The following FTO variants were observed in gnomAD, a reference collection of about 807,000 sequenced individuals.
The protein encoded by FTO is FTO alpha-ketoglutarate dependent dioxygenase.
In FTO, 47 loss-of-function variants were observed where a neutral mutation model predicts 63.9. The observed-to-expected ratio is 0.74, with a 90% CI of 0.58 to 0.94. FTO has a LOEUF of 0.94. Ranked by LOEUF, FTO falls within the 40% of genes least tolerant of loss-of-function variation. The pLI, the probability that FTO is intolerant of heterozygous loss-of-function variation, is 0.00. For synonymous variants in FTO, 207 were observed against 224.4 expected (o/e 0.92, Z 0.69); for missense variants, 562 against 618.1 (o/e 0.91, Z 0.96).
chr16:53,842,694 G>T (rs1307582311), intron 3 of FTO, among the ~76,000 whole-genome samples: 1 of 152,010 alleles, frequency 6.6e-6, no homozygotes, highest in African/African-American at 2.4e-5. Flanking sequence ...TTTATTTTGA[G>T]GCAGGGCCTC....
chr16:53,983,717 G>C (rs1316060115), intron 8 of FTO, among the ~76,000 whole-genome samples: 2 of 152,056 alleles, frequency 1.3e-5, no homozygotes, highest in Non-Finnish European at 2.9e-5. Flanking sequence ...GAGTTGTGGG[G>C]ACAAGAAAGA....
At chr16:53,876,985 C>T (rs551054683) in intron 5 of FTO, among the ~76,000 whole-genome samples, 1 of 152,170 alleles carries the variant, frequency 6.6e-6, no homozygotes, top group Non-Finnish European at 1.5e-5. Flanking sequence ...AAATGCTGAA[C>T]GTCATTAGTC....
intron 7 of FTO, among the ~76,000 whole-genome samples, chr16:53,926,831 C>G (rs2082151447): frequency 6.7e-6 from 1 of 150,372 alleles, no homozygotes; most frequent in African/African-American, 2.4e-5. Flanking sequence ...TTTTTTTTTC[C>G]CCAGGCTAAG....
At chr16:53,783,723 G>T (rs558573586) in intron 1 of FTO, among the ~76,000 whole-genome samples, 35 of 152,132 alleles carry the variant, frequency 2.3e-4, no homozygotes, top group African/African-American at 7.9e-4. Context: ...GAAAGGTGGA[G>T]GTTGCAGTGA....
At chr16:53,943,348 G>A (rs1379545695) in intron 8 of FTO, among the ~76,000 whole-genome samples, 3 of 152,184 alleles carry the variant, frequency 2.0e-5, no homozygotes, top group African/African-American at 4.8e-5. Flanking sequence ...TGACTTCTGT[G>A]CATCTTATTT....
At chr16:53,716,461 T>C (rs1598477312) in intron 1 of FTO, among the ~76,000 whole-genome samples, 1 of 152,170 alleles carries the variant, frequency 6.6e-6, no homozygotes, top group African/African-American at 2.4e-5. Context: ...GGCTGAGTGA[T>C]CTTGGGCAAG....
intron 8 of FTO, among the ~76,000 whole-genome samples, chr16:54,038,580 G>A (rs1238080540): frequency 6.6e-6 from 1 of 152,208 alleles, no homozygotes; most frequent in Non-Finnish European, 1.5e-5. Flanking sequence ...GGGAGGCCTA[G>A]TGGAGGCTGT....
At chr16:53,766,960 A>G (rs546423924) in intron 1 of FTO, among the ~76,000 whole-genome samples, 1 of 152,328 alleles carries the variant, frequency 6.6e-6, no homozygotes, top group South Asian at 2.1e-4. Context: ...TGTAAGGAAC[A>G]AGATAATCTC....
intron 3 of FTO, among the ~76,000 whole-genome samples, chr16:53,838,468 A>G (rs1285167489): frequency 6.6e-6 from 1 of 151,630 alleles, no homozygotes; most frequent in Non-Finnish European, 1.5e-5. Flanking sequence ...GTGCCACCAC[A>G]CCCGGCTAAT....
At chr16:53,834,016 G>A (rs1160078788) in intron 3 of FTO, among the ~76,000 whole-genome samples, 1 of 151,922 alleles carries the variant, frequency 6.6e-6, no homozygotes, top group Non-Finnish European at 1.5e-5. Flanking sequence ...TTCAAGGATA[G>A]CTGAACTTTT....
At chr16:53,742,279 AG>A (rs1038293695) in intron 1 of FTO, among the ~76,000 whole-genome samples, 21 of 152,178 alleles carry the variant, frequency 1.4e-4, no homozygotes, top group African/African-American at 5.1e-4. Flanking sequence ...TTGGCCTGGC[AG>A]GAAGGGTCAA....
intron 7 of FTO, among the ~76,000 whole-genome samples, chr16:53,924,286 A>T (rs1327155551): frequency 6.6e-6 from 1 of 152,176 alleles, no homozygotes; most frequent in East Asian, 1.9e-4. Context: ...GAGGAAACTG[A>T]TCAAAGAAAC....
intron 1 of FTO, among the ~76,000 whole-genome samples, chr16:53,808,448 C>T (rs1051285114): frequency 3.9e-4 from 59 of 152,098 alleles, no homozygotes; most frequent in African/African-American, 1.4e-3. Flanking sequence ...TAGAATTATG[C>T]CTAAGAGTAG....
At position 53,844,317 on chromosome 16, in the gene FTO, A is replaced by G; in HGVS notation, c.895+19A>G. 1 of 1,593,642 alleles carries G rather than the reference A, an allele frequency of 6.3e-7. No homozygotes were observed. The highest frequency in any genetic ancestry group is 8.6e-7 in the Non-Finnish European group (1 of 1,161,684). ...ATGCTTGGTAATCTTTGGAAAATCAAAATTATATTGAAACTCTAGTGTCTA... is the reference window on the plus strand; with the variant it reads ...ATGCTTGGTAATCTTTGGAAAATCAGAATTATATTGAAACTCTAGTGTCTA... On this transcript the variant is annotated intron_variant, in intron 4 of 8. Transcript: ENST00000471389.
intron 5 of FTO, 126 bp downstream of exon 5, chr16:53,873,991 C>A (rs533349849): frequency 4.2e-6 from 3 of 720,550 alleles, no homozygotes; most frequent in Non-Finnish European, 2.5e-6. Context: ...ACTTGACTTT[C>A]GTCTCTGTTT....
chr16:53,836,103 C>T (rs1318288234), intron 3 of FTO, among the ~76,000 whole-genome samples: 3 of 152,128 alleles, frequency 2.0e-5, no homozygotes, highest in African/African-American at 7.2e-5. Context: ...ATTGGCCAGG[C>T]TGGTCTCGAA....
At chr16:53,881,390 A>T (rs2151893580) in intron 6 of FTO, among the ~76,000 whole-genome samples, 1 of 152,254 alleles carries the variant, frequency 6.6e-6, no homozygotes, top group African/African-American at 2.4e-5. Flanking sequence ...CTATATGCAC[A>T]CCTGCCCTTT....
intron 8 of FTO, among the ~76,000 whole-genome samples, chr16:53,986,379 T>C (rs1805817386): frequency 6.6e-6 from 1 of 152,146 alleles, no homozygotes; most frequent in Non-Finnish European, 1.5e-5. Flanking sequence ...AAACAGGGTG[T>C]TTCTCTGCTC....
At chr16:53,847,263 C>T (rs1357421540) in intron 4 of FTO, among the ~76,000 whole-genome samples, 1 of 152,188 alleles carries the variant, frequency 6.6e-6, no homozygotes, top group East Asian at 1.9e-4. Context: ...GGCCAGCCCT[C>T]CTTCTCCCGT....
Sources: gnomAD v4.1 joint callset for allele counts (sites outside exome capture counted in the v4.1 genomes callset) on GRCh38, gnomAD v4.1.1 for gene constraint, MANE v1.5 for transcripts, NCBI Gene and HGNC (gene_info 2026-07-23, HGNC 2026-07-21) for gene names.